Variants in GABRG3 observed in about 807,000 individuals in gnomAD.
GABRG3 encodes gamma-aminobutyric acid receptor subunit gamma-3.
GABRG3 carries 25 observed loss-of-function variants against 48.8 expected under a neutral mutation model. The observed-to-expected ratio is 0.51, with a 90% CI of 0.37 to 0.72. The LOEUF is 0.72. GABRG3 is among the 30% of genes least tolerant of loss of function. GABRG3 has a pLI of 0.00. For missense variants in GABRG3, 394 were observed against 577.9 expected (o/e 0.68, Z 3.26); for synonymous variants, 227 against 217.6 (o/e 1.04, Z -0.38).
intron 6 of GABRG3, among the ~76,000 whole-genome samples, chr15:27,491,955 T>G (rs1890367433): frequency 6.6e-6 from 1 of 152,216 alleles, no homozygotes; most frequent in African/African-American, 2.4e-5. Flanking sequence ...TTTTTAGTCA[T>G]ATCCCATATG....
intron 3 of GABRG3, among the ~76,000 whole-genome samples, chr15:27,189,071 T>C (rs1442942533): frequency 6.6e-6 from 1 of 152,184 alleles, no homozygotes; most frequent in Non-Finnish European, 1.5e-5. Context: ...GGCTCTGTTC[T>C]GTTCCATTGA....
chr15:27,520,206 A>G (rs1891126582), intron 7 of GABRG3, 82 bp downstream of exon 7: 16 of 1,312,360 alleles, frequency 1.2e-5, no homozygotes, highest in Non-Finnish European at 1.5e-5. Context: ...AATGTAAAAG[A>G]CTATTTAAAT....
In GABRG3 at chr15:27,490,602, C is replaced by A. The variant is rs1049469564; in HGVS notation, c.712+9815C>A. Among the ~76,000 whole-genome samples the A allele has an allele frequency of 2.0e-5, 3 of 152,152 alleles. No homozygotes were observed. In the East Asian group the frequency reaches 5.8e-4, roughly 29 times the overall value. On this transcript the variant is annotated intron_variant, in intron 6 of 9. Transcript: ENST00000615808. ...AGCCGTCAATTAGATAACCTGGGTG[C>A]GTTTCCTCTTTGTCCAATGAAACTT...
chr15:27,095,255 G>A (rs1897251523), intron 3 of GABRG3, among the ~76,000 whole-genome samples: 2 of 152,202 alleles, frequency 1.3e-5, no homozygotes, highest in South Asian at 4.1e-4. Context: ...GTTGAATGAA[G>A]GCATTTATAT....
At chr15:27,034,644 G>A (rs1896144435) in intron 3 of GABRG3, among the ~76,000 whole-genome samples, 2 of 152,144 alleles carry the variant, frequency 1.3e-5, no homozygotes, top group South Asian at 2.1e-4. Flanking sequence ...AGGCTTTCGA[G>A]CCTGAGATCC....
Position 27,540,963 on chromosome 15 carries a change from G to A in GABRG3, c.*8082G>A, listed in dbSNP as rs1391139343. The A allele has an allele frequency of 6.6e-6, 1 of 152,236 alleles. No individual in the cohort carries two copies. Among genetic ancestry groups the A allele is most frequent in the Non-Finnish European group, 1.5e-5 (1 of 68,060 alleles). The allele number at this position is 152,236 out of a possible 1,614,324, so 9.4% of individuals were successfully genotyped here. A position where few individuals can be genotyped will look rare whatever the true frequency, so the allele number is the denominator to read the frequency against. ...GCAGTTTTCTAGCGATAGCGTATTAGCACTAAGCCTCTGGTTAGGATAAAA... is the reference window on the plus strand; with the variant it reads ...GCAGTTTTCTAGCGATAGCGTATTAACACTAAGCCTCTGGTTAGGATAAAA... On this transcript the variant is annotated 3_prime_UTR_variant, in exon 10 of 10. Coordinates refer to ENST00000615808, the MANE Select transcript of GABRG3 (RefSeq NM_033223.5).
At chr15:27,051,936 G>T (rs1168627316) in intron 3 of GABRG3, among the ~76,000 whole-genome samples, 1 of 152,162 alleles carries the variant, frequency 6.6e-6, no homozygotes, top group African/African-American at 2.4e-5. Flanking sequence ...CCTTGCATGT[G>T]CAGTTCACAA....
chr15:27,143,009 C>A (rs1898133111), intron 3 of GABRG3, among the ~76,000 whole-genome samples: 2 of 152,138 alleles, frequency 1.3e-5, no homozygotes, highest in African/African-American at 4.8e-5. Context: ...CCTGCCTCAG[C>A]CTCCCAAAAT....
chr15:27,151,809 C>T lies in GABRG3; in HGVS notation c.270+124988C>T, dbSNP rs377422892. Among the ~76,000 whole-genome samples the T allele has an allele frequency of 6.6e-5, 10 of 152,326 alleles. No individual in the cohort carries two copies. In the South Asian group the frequency reaches 8.3e-4, roughly 13 times the overall value. ...AAGGAAACTGATTTTCCCCTAGCGC[C>T]TCCAGAAGGAGCACTGTCTGGACAA... is the stretch of plus-strand genomic sequence containing the variant. On this transcript the variant is annotated intron_variant, in intron 3 of 9. Transcript: ENST00000615808.
At chr15:26,997,204 T>C (rs1895358661) in intron 2 of GABRG3, among the ~76,000 whole-genome samples, 1 of 152,216 alleles carries the variant, frequency 6.6e-6, no homozygotes, top group African/African-American at 2.4e-5. Flanking sequence ...TGATATTATC[T>C]GTTTCATAAG....
Position 27,532,692 on chromosome 15 carries a change from CTA to C in GABRG3, c.1217_1218del (p.Tyr406Ter), listed in dbSNP as rs1335764233. ...YWQEFEDTCV[Y>X]ECLDGKDCQS... ...GGCAGGAATTTGAAGATACCTGTGT[CTA>C]TGAGTGTCTGGATGGCAAAGACTGT... On this transcript the variant is annotated frameshift_variant, in exon 10 of 10. Coordinates refer to ENST00000615808, the MANE Select transcript of GABRG3 (RefSeq NM_033223.5). LOFTEE classifies it high-confidence loss of function. 1.9e-6 allele frequency: 3 copies of C among 1,613,878 alleles called. No homozygotes were observed. Among genetic ancestry groups the C allele is most frequent in the Non-Finnish European group, 2.5e-6 (3 of 1,179,884 alleles).
At chr15:27,282,640 A>G (rs1185378377) in intron 3 of GABRG3, among the ~76,000 whole-genome samples, 2 of 152,134 alleles carry the variant, frequency 1.3e-5, no homozygotes, top group Admixed American at 1.3e-4. Context: ...TTAACTGCTC[A>G]CTGGAGCAAT....
chr15:27,069,764 A>G (rs571160011), intron 3 of GABRG3, among the ~76,000 whole-genome samples: 14 of 152,390 alleles, frequency 9.2e-5, no homozygotes, highest in African/African-American at 3.1e-4. Flanking sequence ...ATTTAGAAGT[A>G]ATATTCAGCT....
intron 3 of GABRG3, among the ~76,000 whole-genome samples, chr15:27,124,369 G>A (rs1897782152): frequency 6.6e-6 from 1 of 152,158 alleles, no homozygotes; most frequent in South Asian, 2.1e-4. Context: ...CTTCACAGGT[G>A]GGAAATGAAG....
chr15:27,375,488 G>A (rs534433404), intron 5 of GABRG3, among the ~76,000 whole-genome samples: 1 of 152,254 alleles, frequency 6.6e-6, no homozygotes, highest in South Asian at 2.1e-4. Flanking sequence ...TAAGGCCTGG[G>A]GCCATGTATT....
At chr15:26,996,522 A>T (rs1028214761) in intron 2 of GABRG3, among the ~76,000 whole-genome samples, 5 of 152,120 alleles carry the variant, frequency 3.3e-5, no homozygotes, top group African/African-American at 1.2e-4. Flanking sequence ...CATTTTGACT[A>T]TGTTGTATCT....
chr15:27,461,906 A>T (rs1889462243), intron 5 of GABRG3, among the ~76,000 whole-genome samples: 1 of 152,160 alleles, frequency 6.6e-6, no homozygotes, highest in African/African-American at 2.4e-5. Flanking sequence ...CATGTGTTAA[A>T]AGTTGCCCAT....
intron 2 of GABRG3, among the ~76,000 whole-genome samples, chr15:27,013,743 C>G (rs1415529659): frequency 6.6e-6 from 1 of 152,154 alleles, no homozygotes; most frequent in African/African-American, 2.4e-5. Flanking sequence ...GTCTTTATAC[C>G]AGTATCATGC....
chr15:27,392,049 G>T (rs774849149), intron 5 of GABRG3, among the ~76,000 whole-genome samples: 5 of 152,114 alleles, frequency 3.3e-5, no homozygotes, highest in Non-Finnish European at 7.4e-5. Flanking sequence ...AATGATCTTT[G>T]TATTTTAGAA....
Sources: allele counts gnomAD v4.1 joint callset (sites outside exome capture counted in the v4.1 genomes callset), GRCh38; gene constraint gnomAD v4.1.1; transcripts MANE v1.5; gene names NCBI Gene and HGNC (gene_info 2026-07-23, HGNC 2026-07-21).